The following MYRIP variants were observed in gnomAD, a reference collection of about 807,000 sequenced individuals.
The protein encoded by MYRIP is rab effector MyRIP.
A neutral mutation model predicts 98.0 loss-of-function variants in MYRIP; 49 were observed. That is an observed-to-expected ratio of 0.50 (90% confidence interval 0.40 to 0.63). The LOEUF is 0.63. MYRIP is among the 30% of genes least tolerant of loss of function. The pLI, the probability that MYRIP is intolerant of heterozygous loss-of-function variation, is 0.00. For synonymous variants in MYRIP, 404 were observed against 409.5 expected, an observed-to-expected ratio of 0.99 and a Z score of 0.16; for missense variants, 1,004 against 1,058.2, an observed-to-expected ratio of 0.95 and a Z score of 0.71.
intron 1 of MYRIP, among the ~76,000 whole-genome samples, chr3:39,822,867 T>G (rs115493932): frequency 0.019 from 1,931 of 103,430 alleles, 47 homozygotes; most frequent in African/African-American, 0.063. Context: ...AGGATTTGAT[T>G]CTTTTTTTTT....
At chr3:39,984,930 G>A (rs1317862981) in intron 2 of MYRIP, among the ~76,000 whole-genome samples, 1 of 151,232 alleles carries the variant, frequency 6.6e-6, no homozygotes, top group African/African-American at 2.4e-5. Context: ...TAACTGGTGT[G>A]AGATGGTATC....
At position 40,190,198 on chromosome 3, in the gene MYRIP, G is replaced by A; in HGVS notation, c.1400G>A (p.Gly467Glu). 1 of 1,614,146 alleles carries A rather than the reference G, an allele frequency of 6.2e-7. No homozygotes were observed. The highest frequency in any genetic ancestry group is 8.5e-7 in the Non-Finnish European group (1 of 1,180,020). ...TSSAGSSREVGHQARLSWLQR... is the reference protein window; with the variant it reads ...TSSAGSSREVEHQARLSWLQR... The stretch of plus-strand genomic sequence containing the variant: ...TCCGCAGGCTCTTCCCGAGAAGTTG[G>A]GCACCAGGCCAGACTGTCCTGGTTG... Residue 467 changes from glycine (G) to glutamate (E), a missense_variant, in exon 10 of 17, where the codon GGG (glycine) becomes GAG (glutamate). Around this residue, in one of 3 missense-constraint regions of MYRIP, gnomAD observed 880 missense variants for 907.7 expected, o/e 0.97. Coordinates refer to ENST00000302541, the MANE Select transcript of MYRIP (RefSeq NM_015460.4).
chr3:40,161,090 T>C (rs1950383201), intron 4 of MYRIP, among the ~76,000 whole-genome samples: 1 of 152,204 alleles, frequency 6.6e-6, no homozygotes, highest in South Asian at 2.1e-4. Context: ...CTGGGATTTG[T>C]TGGACAAATG....
chr3:39,995,464 A>C (rs1327678117), intron 2 of MYRIP, among the ~76,000 whole-genome samples: 2 of 152,244 alleles, frequency 1.3e-5, no homozygotes, highest in African/African-American at 2.4e-5. Flanking sequence ...GAATGAAATG[A>C]AGCAAGAAGA....
chr3:40,227,169 G>A (rs1269546458), intron 11 of MYRIP, among the ~76,000 whole-genome samples: 2 of 152,216 alleles, frequency 1.3e-5, no homozygotes, highest in Non-Finnish European at 2.9e-5. Flanking sequence ...AGGGCCCAAT[G>A]CAGTGCCTTG....
intron 2 of MYRIP, among the ~76,000 whole-genome samples, chr3:39,960,294 A>G (rs573438603): frequency 1.8e-4 from 27 of 152,032 alleles, no homozygotes; most frequent in Non-Finnish European, 3.1e-4. Context: ...ACCTCCCCAA[A>G]GCCCATCATA....
At chr3:40,214,918 C>T (rs1289588856) in intron 11 of MYRIP, among the ~76,000 whole-genome samples, 1 of 152,178 alleles carries the variant, frequency 6.6e-6, no homozygotes, top group Non-Finnish European at 1.5e-5. Context: ...TCTCCCCAAA[C>T]CCCCTAATTT....
chr3:40,132,964 T>C lies in MYRIP; in HGVS notation c.333-18084T>C, dbSNP rs142253676. Among the ~76,000 whole-genome samples, 382 of 152,380 alleles carry C rather than the reference T, an allele frequency of 2.5e-3. 3 individuals carry two copies. The highest frequency in any genetic ancestry group is 8.7e-3 in the African/African-American group (361 of 41,592). On this transcript the variant is annotated intron_variant, in intron 3 of 16. Coordinates refer to ENST00000302541, the MANE Select transcript of MYRIP (RefSeq NM_015460.4). ...TAGTGTACTGCCATGGAGGTGTTCA[T>C]GTCAGCTGATGGAGCACTGGCTCAT...
intron 1 of MYRIP, among the ~76,000 whole-genome samples, chr3:39,893,396 A>G (rs1046414048): frequency 1.3e-5 from 2 of 152,128 alleles, no homozygotes; most frequent in Non-Finnish European, 2.9e-5. Flanking sequence ...AGCCCTTTAT[A>G]TAAAATGGAA....
intron 2 of MYRIP, among the ~76,000 whole-genome samples, chr3:39,980,675 G>T (rs1158741955): frequency 6.6e-6 from 1 of 152,110 alleles, no homozygotes; most frequent in African/African-American, 2.4e-5. Flanking sequence ...ATTCACTGTT[G>T]CTTTAGTTAC....
intron 2 of MYRIP, among the ~76,000 whole-genome samples, chr3:39,934,437 G>A (rs1944611863): frequency 6.6e-6 from 1 of 152,094 alleles, no homozygotes; most frequent in Non-Finnish European, 1.5e-5. Flanking sequence ...TGGCAGAGAC[G>A]AGTCTGGGAC....
At chr3:39,911,204 C>T (rs1199157395) in intron 2 of MYRIP, among the ~76,000 whole-genome samples, 1 of 152,152 alleles carries the variant, frequency 6.6e-6, no homozygotes, top group Non-Finnish European at 1.5e-5. Flanking sequence ...ATCTTTGGCG[C>T]CGTAAAGTTA....
At chr3:39,917,637 T>C (rs936595282) in intron 2 of MYRIP, among the ~76,000 whole-genome samples, 2 of 151,726 alleles carry the variant, frequency 1.3e-5, no homozygotes, top group East Asian at 1.9e-4. Context: ...GATCAGAGAC[T>C]AGACCTCCTT....
chr3:39,923,387 G>A (rs1204536892), intron 2 of MYRIP, among the ~76,000 whole-genome samples: 5 of 151,878 alleles, frequency 3.3e-5, no homozygotes, highest in Admixed American at 2.0e-4. Flanking sequence ...TCCACACCAA[G>A]ACACATCCTA....
intron 1 of MYRIP, among the ~76,000 whole-genome samples, chr3:39,835,579 G>A (rs1941593239): frequency 6.7e-6 from 1 of 148,926 alleles, no homozygotes; most frequent in South Asian, 2.2e-4. Context: ...TGCTGCTTGT[G>A]AAGGCACACT....
chr3:40,075,095 A>G (rs1948316816), intron 3 of MYRIP, among the ~76,000 whole-genome samples: 1 of 152,228 alleles, frequency 6.6e-6, no homozygotes. Flanking sequence ...TTTTTCATCT[A>G]TAAAATTAAC....
chr3:39,949,058 T>C (rs1173689260), intron 2 of MYRIP, among the ~76,000 whole-genome samples: 2 of 152,134 alleles, frequency 1.3e-5, no homozygotes, highest in African/African-American at 2.4e-5. Flanking sequence ...GAAGGAAGCA[T>C]GTCAAGAATA....
At chr3:39,876,059 C>T (rs567056180) in intron 1 of MYRIP, among the ~76,000 whole-genome samples, 1 of 152,224 alleles carries the variant, frequency 6.6e-6, no homozygotes, top group East Asian at 1.9e-4. Flanking sequence ...GGATAGTTAG[C>T]TCTTCTTGTT....
chr3:40,110,614 G>A (rs558979233), intron 3 of MYRIP, among the ~76,000 whole-genome samples: 201 of 152,228 alleles, frequency 1.3e-3, no homozygotes, highest in African/African-American at 4.6e-3. Context: ...GACATCTGAG[G>A]CTTCTCCTAC....
Sources: allele counts gnomAD v4.1 joint callset (sites outside exome capture counted in the v4.1 genomes callset), GRCh38; gene constraint gnomAD v4.1.1; regional missense constraint gnomAD v4.1.1; transcripts MANE v1.5; gene names NCBI Gene and HGNC (gene_info 2026-07-23, HGNC 2026-07-21).